STAT1: variants seen among roughly 807,000 people sequenced by gnomAD.
The protein encoded by STAT1 is signal transducer and activator of transcription 1, also known as signal transducer and activator of transcription 1-alpha/beta.
Under a neutral mutation model 111.7 loss-of-function variants are expected in STAT1, and 24 were observed. The ratio of observed to expected loss-of-function variants is 0.21; its 90% CI spans 0.16 to 0.30. The LOEUF is 0.30. Ranked by LOEUF, STAT1 falls within the 10% of genes least tolerant of loss-of-function variation. STAT1 has a pLI of 1.00. For synonymous variants in STAT1, 332 were observed against 326.5 expected, an observed-to-expected ratio of 1.02 and a Z score of -0.18; for missense variants, 351 against 911.9, an observed-to-expected ratio of 0.38 and a Z score of 7.92.
Position 190,975,684 on chromosome 2 carries a change from C to T in STAT1, c.2135+128G>A. 2 of 1,508,346 alleles carry T rather than the reference C, an allele frequency of 1.3e-6. No homozygotes were observed. Among genetic ancestry groups the T allele is most frequent in the Admixed American group, 4.1e-5 (2 of 49,374 alleles). 93.4% of individuals were successfully genotyped at this position (1,508,346 alleles called of 1,614,324 possible). A position where few individuals can be genotyped will look rare whatever the true frequency, so the allele number is the denominator to read the frequency against. On this transcript the variant is annotated intron_variant, in intron 23 of 24. Coordinates refer to ENST00000361099, the MANE Select transcript of STAT1 (RefSeq NM_007315.4). The surrounding 1 kb of genome is among the most constrained non-coding windows in gnomAD (Gnocchi z 5.9). The stretch of plus-strand genomic sequence containing the variant: ...ATAGGCAGTAACACGGGGATCTCAA[C>T]AAGTTCAGCTGTGATGGCGATAGCA...
In STAT1 at chr2:190,980,560, T is replaced by G; in HGVS notation, c.1632+60A>C. On this transcript the variant is annotated intron_variant, in intron 19 of 24. Coordinates refer to ENST00000361099, the MANE Select transcript of STAT1 (RefSeq NM_007315.4). This position sits in a 1 kb window ranked among gnomAD's most constrained non-coding sequence, Gnocchi z 6.1. ...TAAGTAACTATCACAGCAAGAAACATGAGAACCTCAACCAAGAGCAAAAAG... is the reference window on the plus strand; with the variant it reads ...TAAGTAACTATCACAGCAAGAAACAGGAGAACCTCAACCAAGAGCAAAAAG... The G allele has an allele frequency of 1.1e-4, 165 of 1,560,602 alleles. No homozygotes were observed. Among genetic ancestry groups the G allele is most frequent in the Non-Finnish European group, 1.4e-4 (154 of 1,131,160 alleles).
Position 190,991,298 on chromosome 2 carries a change from G to C in STAT1, c.967C>G (p.Pro323Ala). The stretch of plus-strand genomic sequence containing the variant: ...CTCTGAGGGTGCGTTGGCATGCAGG[G>C]CTGTCTTTCCACCACAAACGAGCTG... ...IQSSFVVERQ[P>A]CMPTHPQRPL... is the part of the protein sequence containing the mutation. Residue 323 changes from proline to alanine, a missense_variant, in exon 11 of 25, where the codon CCC becomes GCC. Transcript: ENST00000361099. The C allele has an allele frequency of 2.5e-6, 4 of 1,614,112 alleles. No homozygotes were observed. The highest frequency in any genetic ancestry group is 3.4e-6 in the Non-Finnish European group (4 of 1,179,994).
intron 2 of STAT1, among the ~76,000 whole-genome samples, chr2:191,011,985 A>G (rs1224154152): frequency 1.3e-5 from 2 of 151,116 alleles, no homozygotes; most frequent in Non-Finnish European, 3.0e-5. Context: ...ACCTGACCTC[A>G]GGCAATCCTT....
At position 191,008,989 on chromosome 2, in the gene STAT1, T is replaced by C; in HGVS notation, c.247A>G (p.Ile83Val). The C allele has an allele frequency of 6.2e-7, 1 of 1,614,000 alleles. No individual in the cohort carries two copies. Among genetic ancestry groups the C allele is most frequent in the South Asian group, 1.1e-5 (1 of 91,080 alleles). The change falls in exon 4 of 25, where the codon ATA becomes GTA. Residue 83 changes from isoleucine (I) to valine (V), a missense_variant. Ile to Val is a conservative substitution (Grantham distance 29, BLOSUM62 3). This residue lies in a region of STAT1 where 44 missense variants were observed against 144.2 expected (regional missense o/e 0.31). Coordinates refer to ENST00000361099, the MANE Select transcript of STAT1 (RefSeq NM_007315.4). Reference sequence around the variant, plus strand: ...TGAAGATTACGCTTGCTTTTCCTTATGTTATGCTGTAGCAAGAAGTTATTC... The same window carrying C: ...TGAAGATTACGCTTGCTTTTCCTTACGTTATGCTGTAGCAAGAAGTTATTC... ...LENNFLLQHN[I>V]RKSKRNLQDN...
In STAT1 at chr2:190,996,281, A is replaced by G. The variant is rs1693850628; in HGVS notation, c.786-1062T>C. ...TATTCACTTGCAGTAATGACAGAAG[A>G]AAACCTTTTAAAAGTGTCTTCTTCC... On this transcript the variant is annotated intron_variant, in intron 9 of 24. Transcript: ENST00000361099. The surrounding 1 kb of genome is among the most constrained non-coding windows in gnomAD (Gnocchi z 4.5). 6.6e-6 allele frequency among the ~76,000 whole-genome samples: 1 copy of G among 152,244 alleles called. No homozygotes were observed. Among genetic ancestry groups the G allele is most frequent in the African/African-American group, 2.4e-5 (1 of 41,462 alleles).
Position 190,977,083 on chromosome 2 carries a change from G to C in STAT1, c.1874-58C>G. The C allele has an allele frequency of 6.4e-7, 1 of 1,565,566 alleles. No homozygotes were observed. The highest frequency in any genetic ancestry group is 1.1e-5 in the South Asian group (1 of 89,910). ...GAACATCCCAAAATGAAAGAGGACA[G>C]AGAAATAAAACACTGCAGAGTTGAT... On this transcript the variant is annotated intron_variant, in intron 21 of 24. Transcript: ENST00000361099. This position sits in a 1 kb window ranked among gnomAD's most constrained non-coding sequence, Gnocchi z 4.7.
chr2:190,999,989 T>C lies in STAT1; in HGVS notation c.463-285A>G, dbSNP rs1178971457. Among the ~76,000 whole-genome samples, 1 of 152,228 alleles carries C rather than the reference T, an allele frequency of 6.6e-6. No individual in the cohort carries two copies. Among genetic ancestry groups the C allele is most frequent in the East Asian group, 1.9e-4 (1 of 5,204 alleles). ...CCTAAATTTTGATTCTTCCTCATCA[T>C]TTTTGAGACTACCTCTGAGATATGA... On this transcript the variant is annotated intron_variant, in intron 6 of 24. Transcript: ENST00000361099. This position sits in a 1 kb window ranked among gnomAD's most constrained non-coding sequence, Gnocchi z 4.1.
In STAT1 at chr2:191,009,123, T is replaced by C; in HGVS notation, c.129-16A>G. 6.2e-7 allele frequency: 1 copy of C among 1,613,924 alleles called. No homozygotes were observed. Among genetic ancestry groups the C allele is most frequent in the South Asian group, 1.1e-5 (1 of 91,062 alleles). On this transcript the variant is annotated splice_polypyrimidine_tract_variant and intron_variant, in intron 3 of 24. Transcript: ENST00000361099. ...AGCGTGCTCCCTAGGAGATTTAACA[T>C]TTACACATTTCATTCTAGAACTAAA... is the stretch of plus-strand genomic sequence containing the variant.
rs1001250123 is a variant in STAT1 at position 190,973,607 on chromosome 2, T to G, written c.2238+1223A>C. Among the ~76,000 whole-genome samples the G allele has an allele frequency of 1.3e-5, 2 of 152,224 alleles. No homozygotes were observed. The highest frequency in any genetic ancestry group is 6.5e-5 in the Admixed American group (1 of 15,284). On this transcript the variant is annotated intron_variant, in intron 24 of 24. Transcript: ENST00000361099. This position sits in a 1 kb window ranked among gnomAD's most constrained non-coding sequence, Gnocchi z 4.4. ...CATATTTTCTGAATAGGGCTTTATA[T>G]TTATTCCATTTTTGTGCCAGGCCTA...
rs577449015 is a variant in STAT1, at chr2:190,987,907, T to C, written c.1098-839A>G. 9.9e-5 allele frequency among the ~76,000 whole-genome samples: 15 copies of C among 152,282 alleles called. No individual in the cohort carries two copies. In the East Asian group the frequency reaches 2.9e-3, roughly 29 times the overall value. On this transcript the variant is annotated intron_variant, in intron 12 of 24. Transcript: ENST00000361099. This position sits in a 1 kb window ranked among gnomAD's most constrained non-coding sequence, Gnocchi z 4.0. Reference sequence around the variant, plus strand: ...ATTTAAAATAAAAGGGATAGTATGATAAAAGCTGACTTGTCAAAGCTAAGA... The same window carrying C: ...ATTTAAAATAAAAGGGATAGTATGACAAAAGCTGACTTGTCAAAGCTAAGA...
chr2:190,978,740 A>G lies in STAT1; in HGVS notation c.1873+116T>C. On this transcript the variant is annotated intron_variant, in intron 21 of 24. Transcript: ENST00000361099. The surrounding 1 kb of genome is among the most constrained non-coding windows in gnomAD (Gnocchi z 6.1). ...TATCGGGGGCTCATTTGGGGTAAGT[A>G]TAAGATCTGCAATTTCATGTCCCAA... 3.6e-6 allele frequency: 5 copies of G among 1,385,326 alleles called. No homozygotes were observed. Among genetic ancestry groups the G allele is most frequent in the South Asian group, 1.2e-5 (1 of 80,424 alleles). The allele number at this position is 1,385,326 out of a possible 1,614,324, so 85.8% of individuals were successfully genotyped here.
rs1283453563 is a variant in STAT1 at position 190,998,763 on chromosome 2, G to T, written c.542-455C>A. 1.3e-5 allele frequency among the ~76,000 whole-genome samples: 2 copies of T among 151,086 alleles called. No individual in the cohort carries two copies. The highest frequency in any genetic ancestry group is 4.9e-5 in the African/African-American group (2 of 41,228). On this transcript the variant is annotated intron_variant, in intron 7 of 24. Coordinates refer to ENST00000361099, the MANE Select transcript of STAT1 (RefSeq NM_007315.4). This position sits in a 1 kb window ranked among gnomAD's most constrained non-coding sequence, Gnocchi z 4.1. ...TATCTGCCACTTAAGACACTGTCAG[G>T]TAATTACCTAAATAAATGTAAATAA...
Position 190,978,805 on chromosome 2 carries a change from G to C in STAT1, c.1873+51C>G, listed in dbSNP as rs1323431789. On this transcript the variant is annotated intron_variant, in intron 21 of 24. Coordinates refer to ENST00000361099, the MANE Select transcript of STAT1 (RefSeq NM_007315.4). The surrounding 1 kb of genome is among the most constrained non-coding windows in gnomAD (Gnocchi z 6.1). ...TGAGCTGACTGGCGGCGATGAAGAG[G>C]GACTTCACACACATGGAATGGTGGG... 6.2e-7 allele frequency: 1 copy of C among 1,607,940 alleles called. No individual in the cohort carries two copies. The highest frequency in any genetic ancestry group is 8.5e-7 in the Non-Finnish European group (1 of 1,177,558).
chr2:190,982,648 G>A lies in STAT1; in HGVS notation c.1447-130C>T, dbSNP rs921151043. On this transcript the variant is annotated intron_variant, in intron 17 of 24. Transcript: ENST00000361099. This position sits in a 1 kb window ranked among gnomAD's most constrained non-coding sequence, Gnocchi z 7.3. ...ACACACAGGTGCTTTCACAGTAGGG[G>A]AAGAGAAATACAGTCAATTTTCATT... The A allele has an allele frequency of 6.2e-6, 6 of 971,666 alleles. No homozygotes were observed. 60.2% of individuals were successfully genotyped at this position (971,666 alleles called of 1,614,324 possible). A position where few individuals can be genotyped will look rare whatever the true frequency, so the allele number is the denominator to read the frequency against.
chr2:191,001,171 G>A lies in STAT1; in HGVS notation c.373-8C>T. 1 of 1,609,962 alleles carries A rather than the reference G, an allele frequency of 6.2e-7. No homozygotes were observed. Among genetic ancestry groups the A allele is most frequent in the Non-Finnish European group, 8.5e-7 (1 of 1,176,218 alleles). ...AATATTCCCCGACTGAGCCTGTAAT[G>A]GGAAGGGCATGATTATAGCCATCGT... is the stretch of plus-strand genomic sequence containing the variant. On this transcript the variant is annotated splice_region_variant and splice_polypyrimidine_tract_variant and intron_variant, in intron 5 of 24. Transcript: ENST00000361099.
rs189222281 is a variant in STAT1, at chr2:190,973,176, T to A, written c.2238+1654A>T. ...CTTAATAACAGAATAAACCCAATCC[T>A]GTACAAACAGCTTCTTCAGGGTGCA... On this transcript the variant is annotated intron_variant, in intron 24 of 24. Transcript: ENST00000361099. The surrounding 1 kb of genome is among the most constrained non-coding windows in gnomAD (Gnocchi z 4.4). Among the ~76,000 whole-genome samples, 1 of 152,294 alleles carries A rather than the reference T, an allele frequency of 6.6e-6. No homozygotes were observed. Among genetic ancestry groups the A allele is most frequent in the Admixed American group, 6.5e-5 (1 of 15,298 alleles).
In STAT1 at chr2:190,983,509, G is replaced by A; in HGVS notation, c.1446+133C>T. On this transcript the variant is annotated intron_variant, in intron 17 of 24. Coordinates refer to ENST00000361099, the MANE Select transcript of STAT1 (RefSeq NM_007315.4). This position sits in a 1 kb window ranked among gnomAD's most constrained non-coding sequence, Gnocchi z 5.7. ...TTCATATTCCCAGATTTACTCAAAA[G>A]CCTTAGAAATACCACAGGAGCTTTG... is the stretch of plus-strand genomic sequence containing the variant. 1 of 827,118 alleles carries A rather than the reference G, an allele frequency of 1.2e-6. No homozygotes were observed. 51.2% of individuals were successfully genotyped at this position (827,118 alleles called of 1,614,324 possible).
At position 190,999,808 on chromosome 2, in the gene STAT1, T is replaced by C; in HGVS notation, c.463-104A>G. The stretch of plus-strand genomic sequence containing the variant: ...GGAACCCAGAGAAACACGAAAACAA[T>C]TCCATCTCCCCCAAAAAGAGATCTG... On this transcript the variant is annotated intron_variant, in intron 6 of 24. Coordinates refer to ENST00000361099, the MANE Select transcript of STAT1 (RefSeq NM_007315.4). The surrounding 1 kb of genome is among the most constrained non-coding windows in gnomAD (Gnocchi z 4.1). The C allele has an allele frequency of 2.6e-6, 2 of 776,210 alleles. No individual in the cohort carries two copies. The highest frequency in any genetic ancestry group is 2.4e-4 in the Middle Eastern group (1 of 4,094). 48.1% of individuals were successfully genotyped at this position (776,210 alleles called of 1,614,324 possible). A position where few individuals can be genotyped will look rare whatever the true frequency, so the allele number is the denominator to read the frequency against.
Position 191,007,688 on chromosome 2 carries a change from T to C in STAT1, c.274-27A>G, listed in dbSNP as rs763507771. The C allele has an allele frequency of 4.1e-5, 61 of 1,481,900 alleles. No homozygotes were observed. The highest frequency in any genetic ancestry group is 5.4e-5 in the Non-Finnish European group (57 of 1,061,226). The allele number at this position is 1,481,900 out of a possible 1,614,324, so 91.8% of individuals were successfully genotyped here. ...TAGATTTGAGTGGTTAGAACAAAAA[T>C]AAATTAAAATGCAGAATGTTTACTT... On this transcript the variant is annotated intron_variant, in intron 4 of 24. Transcript: ENST00000361099. The surrounding 1 kb of genome is among the most constrained non-coding windows in gnomAD (Gnocchi z 4.2).
Sources: allele counts gnomAD v4.1 joint callset (sites outside exome capture counted in the v4.1 genomes callset), GRCh38; gene constraint gnomAD v4.1.1; regional missense constraint gnomAD v4.1.1; non-coding constraint Gnocchi (gnomAD v3.1); transcripts MANE v1.5; gene names NCBI Gene and HGNC (gene_info 2026-07-23, HGNC 2026-07-21).